FA2H: variants seen among roughly 807,000 people sequenced by gnomAD.
FA2H encodes fatty acid alpha-hydroxylase.
FA2H carries 22 observed loss-of-function variants against 44.9 expected under a neutral mutation model. The ratio of observed to expected loss-of-function variants is 0.49; its 90% CI spans 0.35 to 0.70. The LOEUF is 0.70. FA2H is among the 30% of genes least tolerant of loss of function. The pLI, the probability that FA2H is intolerant of heterozygous loss-of-function variation, is 0.01. For missense variants in FA2H, 501 were observed against 504.9 expected (o/e 0.99, Z 0.07); for synonymous variants, 243 against 213.2 (o/e 1.14, Z -1.22).
intron 1 of FA2H, among the ~76,000 whole-genome samples, chr16:74,756,401 C>T (rs1962613707): frequency 6.6e-6 from 1 of 152,126 alleles, no homozygotes; most frequent in Admixed American, 6.5e-5. Context: ...CTGGGGGCTG[C>T]CGCTTGCAAG....
Position 74,716,426 on chromosome 16 carries a change from A to G in FA2H, c.960T>C (p.Phe320=), listed in dbSNP as rs1212121164. The change falls in exon 6 of 7, where the codon TTT becomes TTC. Residue 320 remains phenylalanine, a synonymous_variant. Coordinates refer to ENST00000219368, the MANE Select transcript of FA2H (RefSeq NM_024306.5). ...GGTAGGAGCCCTTGTGCGGCGAGCC[A>G]AAGTGCAGGTAGTAATGGGTCATGT... ...LYDMTHYYLH[F]GSPHKGSYLY... The G allele has an allele frequency of 1.9e-6, 3 of 1,613,920 alleles. No homozygotes were observed. The highest frequency in any genetic ancestry group is 1.3e-5 in the African/African-American group (1 of 74,890).
At chr16:74,772,649 C>A (rs937162202) in intron 1 of FA2H, among the ~76,000 whole-genome samples, 1 of 152,178 alleles carries the variant, frequency 6.6e-6, no homozygotes, top group Admixed American at 6.5e-5. Flanking sequence ...CTGGGCTCAT[C>A]TTGAAAGCAA....
intron 1 of FA2H, among the ~76,000 whole-genome samples, chr16:74,751,501 G>A (rs948226531): frequency 5.3e-5 from 8 of 151,982 alleles, no homozygotes; most frequent in Non-Finnish European, 7.4e-5. Context: ...TGTTACACTC[G>A]TCACCATAAT....
chr16:74,724,280 G>A (rs553870532), intron 4 of FA2H, among the ~76,000 whole-genome samples: 12 of 152,232 alleles, frequency 7.9e-5, no homozygotes, highest in African/African-American at 1.4e-4. Context: ...GGCCTCTGCC[G>A]GGCCCCGCAC....
Position 74,719,093 on chromosome 16 carries a change from G to C in FA2H, c.681C>G (p.Ser227Arg). ...AGCGGTGGATGAGGTACTCGATGAG[G>C]CTCCAGAGGAATGTCCCCAGCATGA... Reference protein sequence around the residue: ...GLFMLGTFLWSLIEYLIHRFL... With the variant: ...GLFMLGTFLWRLIEYLIHRFL... The change falls in exon 5 of 7, where the codon AGC becomes AGG. Residue 227 changes from serine (S) to arginine (R), a missense_variant. Transcript: ENST00000219368. The C allele has an allele frequency of 6.2e-7, 1 of 1,614,018 alleles. No individual in the cohort carries two copies. The highest frequency in any genetic ancestry group is 8.5e-7 in the Non-Finnish European group (1 of 1,180,028).
chr16:74,735,556 C>T (rs887045442), intron 2 of FA2H, among the ~76,000 whole-genome samples: 10 of 152,354 alleles, frequency 6.6e-5, no homozygotes, highest in Middle Eastern at 3.4e-3. Context: ...AGAAAGCAGG[C>T]ATGACCTCTG....
rs186279919 is a variant in FA2H, at chr16:74,750,268, C to T, written c.271-10153G>A. Among the ~76,000 whole-genome samples the T allele has an allele frequency of 5.1e-3, 781 of 152,266 alleles. 8 individuals are homozygous for T. The highest frequency in any genetic ancestry group is 7.5e-3 in the Non-Finnish European group (510 of 68,018). ...ATATATTATCTCCTCACTGACCCAA[C>T]TAGTATAATAAAACAAATTTCAGAT... is the stretch of plus-strand genomic sequence containing the variant. On this transcript the variant is annotated intron_variant, in intron 1 of 6. Transcript: ENST00000219368.
At chr16:74,750,956 AT>A (rs536573016) in intron 1 of FA2H, among the ~76,000 whole-genome samples, 129 of 150,566 alleles carry the variant, frequency 8.6e-4, no homozygotes, top group Admixed American at 9.3e-4. Context: ...TAATCTGTTT[AT>A]TTTTTTTTAG....
chr16:74,751,883 A>AGGTTTT (rs1962531083), intron 1 of FA2H, among the ~76,000 whole-genome samples: 1 of 152,172 alleles, frequency 6.6e-6, no homozygotes, highest in Non-Finnish European at 1.5e-5. Flanking sequence ...TCACATATTC[A>AGGTTTT]ATCAGTATTC....
chr16:74,763,404 C>T (rs137917166), intron 1 of FA2H, among the ~76,000 whole-genome samples: 1 of 152,024 alleles, frequency 6.6e-6, no homozygotes, highest in Non-Finnish European at 1.5e-5. Flanking sequence ...ATTACAGGCA[C>T]GCACCACCAC....
chr16:74,738,047 C>G (rs984885419), intron 2 of FA2H, among the ~76,000 whole-genome samples: 1 of 152,220 alleles, frequency 6.6e-6, no homozygotes, highest in Non-Finnish European at 1.5e-5. Context: ...TCCTGGGAAG[C>G]CCTGCTCCCT....
intron 1 of FA2H, among the ~76,000 whole-genome samples, chr16:74,750,680 T>C (rs1249353852): frequency 1.3e-5 from 2 of 152,128 alleles, no homozygotes; most frequent in African/African-American, 4.8e-5. Flanking sequence ...CTTAGAAAGA[T>C]TGGCTGACTT....
At chr16:74,722,363 C>A (rs1961859169) in intron 4 of FA2H, among the ~76,000 whole-genome samples, 1 of 151,406 alleles carries the variant, frequency 6.6e-6, no homozygotes. Context: ...CAGTGAGACC[C>A]CGCCTCAACA....
chr16:74,746,706 C>T (rs1335486469), intron 1 of FA2H, among the ~76,000 whole-genome samples: 1 of 152,194 alleles, frequency 6.6e-6, no homozygotes, highest in Non-Finnish European at 1.5e-5. Context: ...CTGGGATGCC[C>T]TGTCCACTGA....
chr16:74,762,692 G>A (rs554468909), intron 1 of FA2H, among the ~76,000 whole-genome samples: 2 of 152,084 alleles, frequency 1.3e-5, no homozygotes, highest in East Asian at 1.9e-4. Context: ...ATCACACCCA[G>A]CTAATTTTTG....
chr16:74,772,175 C>T (rs1397791838), intron 1 of FA2H, among the ~76,000 whole-genome samples: 1 of 152,190 alleles, frequency 6.6e-6, no homozygotes, highest in Non-Finnish European at 1.5e-5. Context: ...CCATCAGCCT[C>T]TGGCCACGTT....
chr16:74,760,086 C>A (rs753133542), intron 1 of FA2H, among the ~76,000 whole-genome samples: 1 of 152,168 alleles, frequency 6.6e-6, no homozygotes, highest in Admixed American at 6.5e-5. Context: ...CAGGGATCAT[C>A]GTTATCCAAG....
intron 4 of FA2H, among the ~76,000 whole-genome samples, chr16:74,719,903 C>T (rs756532863): frequency 1.3e-5 from 2 of 150,946 alleles, no homozygotes; most frequent in Non-Finnish European, 3.0e-5. Context: ...GACCATGGGG[C>T]AGGAAGGACA....
At chr16:74,741,810 G>GTGTGTT (rs1962310863) in intron 1 of FA2H, among the ~76,000 whole-genome samples, 1 of 54,324 alleles carries the variant, frequency 1.8e-5, no homozygotes, top group African/African-American at 8.6e-5. Context: ...ATATATATAT[G>GTGTGTT]TGTGTGTGTG....
Sources: gnomAD v4.1 joint callset for allele counts (sites outside exome capture counted in the v4.1 genomes callset) on GRCh38, gnomAD v4.1.1 for gene constraint, MANE v1.5 for transcripts, NCBI Gene and HGNC (gene_info 2026-07-23, HGNC 2026-07-21) for gene names.